The following HOGA1 variants were observed in gnomAD, a reference collection of about 807,000 sequenced individuals.
HOGA1 encodes the protein 4-hydroxy-2-oxoglutarate aldolase 1.
Under a neutral mutation model 34.3 loss-of-function variants are expected in HOGA1, and 30 were observed. The observed-to-expected ratio is 0.87, with a 90% CI of 0.65 to 1.19. The LOEUF (loss-of-function observed/expected upper bound fraction) is 1.19, where lower values mean the gene tolerates loss of function less well. Ranked by LOEUF, HOGA1 falls within the 50% of genes most tolerant of loss-of-function variation. The pLI, the probability that HOGA1 is intolerant of heterozygous loss-of-function variation, is 0.00. For missense variants in HOGA1, 417 were observed against 436.5 expected, an observed-to-expected ratio of 0.96 and a Z score of 0.40; for synonymous variants, 161 against 174.0, an observed-to-expected ratio of 0.93 and a Z score of 0.59.
intron 1 of HOGA1, among the ~76,000 whole-genome samples, chr10:97,591,089 C>T (rs1398385976): frequency 1.3e-5 from 2 of 152,116 alleles, no homozygotes; most frequent in Non-Finnish European, 2.9e-5. Flanking sequence ...AAAACAGCTA[C>T]CCTGGTCTCA....
intron 5 of HOGA1, 60 bp from the exon 6 acceptor site, chr10:97,601,797 G>C (rs1490985779): frequency 1.2e-6 from 2 of 1,607,500 alleles, no homozygotes; most frequent in East Asian, 4.5e-5. Flanking sequence ...CTGGGACCAG[G>C]GCTTGGGATG....
intron 5 of HOGA1, 65 bp from the exon 6 acceptor site, chr10:97,601,792 A>G: frequency 6.2e-7 from 1 of 1,600,666 alleles, no homozygotes; most frequent in Non-Finnish European, 8.5e-7. Context: ...AGGTGCTGGG[A>G]CCAGGGCTTG....
chr10:97,590,210 G>A, intron 1 of HOGA1: 3 of 1,613,950 alleles, frequency 1.9e-6, no homozygotes, highest in Non-Finnish European at 2.5e-6. Flanking sequence ...TGGGCCCTCA[G>A]TGATCCAAGA....
intron 6 of HOGA1, 144 bp downstream of exon 6, chr10:97,602,134 C>A (rs1333484128): frequency 6.5e-7 from 1 of 1,549,534 alleles, no homozygotes. Flanking sequence ...AGTGTGGGAA[C>A]TCCTTGTGAC....
chr10:97,600,473 T>C (rs1421156363), intron 5 of HOGA1: 1 of 449,590 alleles, frequency 2.2e-6, no homozygotes, highest in Non-Finnish European at 4.1e-6. Context: ...AATCCCACCT[T>C]GTACATCATT....
intron 6 of HOGA1, chr10:97,602,473 C>T: frequency 1.0e-6 from 1 of 985,342 alleles, no homozygotes; most frequent in Non-Finnish European, 1.2e-6. Context: ...AGACTGTATA[C>T]CCCAATTCTT....
At chr10:97,596,791 T>C (rs2041075310) in intron 1 of HOGA1, among the ~76,000 whole-genome samples, 1 of 151,312 alleles carries the variant, frequency 6.6e-6, no homozygotes. Context: ...TCTGACGGTG[T>C]AGTGAACAGC....
At chr10:97,585,335 A>G (rs998545571) in intron 1 of HOGA1, among the ~76,000 whole-genome samples, 1 of 152,142 alleles carries the variant, frequency 6.6e-6, no homozygotes, top group Non-Finnish European at 1.5e-5. Context: ...TCTTCTGGAC[A>G]AAGCCTCCTT....
At chr10:97,610,057 T>G (rs1316444746) in intron 6 of HOGA1, among the ~76,000 whole-genome samples, 2 of 152,224 alleles carry the variant, frequency 1.3e-5, no homozygotes, top group Non-Finnish European at 2.9e-5. Flanking sequence ...CTTTTGTAGT[T>G]TTTAGGTAGT....
At position 97,588,197 on chromosome 10, in the gene HOGA1, TTC is replaced by T. The variant is rs1491513478; in HGVS notation, c.211+3285_211+3286del. On this transcript the variant is annotated intron_variant, in intron 1 of 6. Transcript: ENST00000370646. The stretch of plus-strand genomic sequence containing the variant: ...AGAGAGTATTCTTTTTGTTTTTTCT[TTC>T]TTTTTTTTTTTTTTTTGTGATGGAG... 1.3e-3 allele frequency among the ~76,000 whole-genome samples: 163 copies of T among 127,180 alleles called. 8 individuals are homozygous for T. Among genetic ancestry groups the T allele is most frequent in the Middle Eastern group, 4.0e-3 (1 of 252 alleles). 83.4% of individuals were successfully genotyped at this position (127,180 alleles called of 152,430 possible). A position where few individuals can be genotyped will look rare whatever the true frequency, so the allele number is the denominator to read the frequency against.
At chr10:97,597,810 T>C (rs1423270522) in intron 1 of HOGA1, among the ~76,000 whole-genome samples, 3 of 151,890 alleles carry the variant, frequency 2.0e-5, no homozygotes, top group African/African-American at 7.3e-5. Flanking sequence ...CTACACAAAT[T>C]AGTTGGGCAT....
chr10:97,584,877 G>A lies in HOGA1; in HGVS notation c.174G>A (p.Glu58=), dbSNP rs2135711412. 5 of 1,614,204 alleles carry A rather than the reference G, an allele frequency of 3.1e-6. No homozygotes were observed. Among genetic ancestry groups the A allele is most frequent in the Non-Finnish European group, 4.2e-6 (5 of 1,180,038 alleles). The change falls in exon 1 of 7, where the codon GAG becomes GAA. Residue 58 remains glutamate (E), a synonymous_variant. Transcript: ENST00000370646. The part of the protein sequence containing the change: ...ATAEVDYGKL[E]ENLHKLGTFP... ...CAGAGGTGGACTATGGGAAACTGGAGGAGAATCTGCACAAACTGGGCACCT... is the reference window on the plus strand; with the variant it reads ...CAGAGGTGGACTATGGGAAACTGGAAGAGAATCTGCACAAACTGGGCACCT...
At chr10:97,593,661 A>C (rs1261938171) in intron 1 of HOGA1, among the ~76,000 whole-genome samples, 1 of 152,190 alleles carries the variant, frequency 6.6e-6, no homozygotes, top group African/African-American at 2.4e-5. Flanking sequence ...AATTGTCAAC[A>C]CACACCTCAA....
chr10:97,598,635 T>C (rs1000885933), intron 1 of HOGA1, 140 bp from the exon 2 acceptor site: 1 of 1,103,926 alleles, frequency 9.1e-7, no homozygotes, highest in Non-Finnish European at 1.4e-6. Flanking sequence ...TGAACAGTCA[T>C]TGCAGCTGTG....
At chr10:97,593,492 AAG>A (rs1308225411) in intron 1 of HOGA1, among the ~76,000 whole-genome samples, 1 of 152,164 alleles carries the variant, frequency 6.6e-6, no homozygotes, top group African/African-American at 2.4e-5. Context: ...AAACATAAAA[AAG>A]AAAAAAATAA....
chr10:97,594,589 G>A (rs1241185642), intron 1 of HOGA1, among the ~76,000 whole-genome samples: 1 of 151,856 alleles, frequency 6.6e-6, no homozygotes, highest in Non-Finnish European at 1.5e-5. Context: ...TCCTGACCTT[G>A]TGGTTCGCCC....
At chr10:97,605,100 G>T (rs2041146973) in intron 6 of HOGA1, among the ~76,000 whole-genome samples, 1 of 152,090 alleles carries the variant, frequency 6.6e-6, no homozygotes, top group Admixed American at 6.6e-5. Context: ...TAGGGTAGTG[G>T]TATGTTTCAT....
chr10:97,600,201 C>A, intron 5 of HOGA1, 38 bp downstream of exon 5: 2 of 1,512,000 alleles, frequency 1.3e-6, no homozygotes, highest in South Asian at 1.1e-5. Context: ...CATGGGTGAC[C>A]AAGAGATACC....
chr10:97,595,891 C>T (rs1349317746), intron 1 of HOGA1, among the ~76,000 whole-genome samples: 1 of 152,146 alleles, frequency 6.6e-6, no homozygotes, highest in Non-Finnish European at 1.5e-5. Flanking sequence ...CCCCTCTCTA[C>T]ACTAACAGGG....
Sources: gnomAD v4.1 joint callset for allele counts (sites outside exome capture counted in the v4.1 genomes callset) on GRCh38, gnomAD v4.1.1 for gene constraint, MANE v1.5 for transcripts, NCBI Gene and HGNC (gene_info 2026-07-23, HGNC 2026-07-21) for gene names.